The following TMEM268 variants were observed in gnomAD, a reference collection of about 807,000 sequenced individuals.
The protein encoded by TMEM268 is transmembrane protein C9orf91.
In TMEM268, 24 loss-of-function variants were observed where a neutral mutation model predicts 39.1. The observed-to-expected ratio is 0.61, with a 90% confidence interval of 0.44 to 0.86. The LOEUF (loss-of-function observed/expected upper bound fraction) is 0.86. Among genes scored for constraint, TMEM268 ranks in the 40% least tolerant of loss-of-function variants. The pLI is 0.00. For missense variants in TMEM268, 409 were observed against 428.6 expected (o/e 0.95, Z 0.40); for synonymous variants, 176 against 173.5 (o/e 1.01, Z -0.12).
At chr9:114,604,441 G>A in the TMEM268 span, among the ~76,000 whole-genome samples, 2 of 152,022 alleles carry the variant, frequency 1.3e-5, no homozygotes, top group Non-Finnish European at 2.9e-5. Flanking sequence ...TTACTGGGGC[G>A]TGGTGGTGTG....
At chr9:114,617,372 G>A (rs1651455196) in intron 2 of TMEM268, 71 bp downstream of exon 2, 3 of 1,228,812 alleles carry the variant, frequency 2.4e-6, no homozygotes, top group East Asian at 2.5e-5. Flanking sequence ...GGGCACAGAA[G>A]TTCCTTTAGA....
At chr9:114,639,696 G>C (rs1046686937) in intron 8 of TMEM268, among the ~76,000 whole-genome samples, 3 of 151,740 alleles carry the variant, frequency 2.0e-5, no homozygotes, top group Non-Finnish European at 4.4e-5. Flanking sequence ...CTGGTGGGCA[G>C]TAGGAAGCCT....
At chr9:114,613,274 G>T (rs4979443) in intron 1 of TMEM268, among the ~76,000 whole-genome samples, 103,995 of 152,046 alleles carry the variant, frequency 0.68, 36,272 homozygotes, top group African/African-American at 0.8. Context: ...TGCCTCATGG[G>T]GGGATTTTGC....
Position 114,624,392 on chromosome 9 carries a change from A to C in TMEM268, c.149A>C (p.Asn50Thr), listed in dbSNP as rs1453889628. ...GTCCTCACTGTTCTCCGGATTGACA[A>C]TACCTGTGCACCCATCTCCTTCGAC... ...GQVLTVLRID[N>T]TCAPISFDLG... The change falls in exon 3 of 9, where the codon AAT (asparagine) becomes ACT (threonine). Residue 50 changes from asparagine (N) to threonine (T), a missense_variant. Physicochemically the swap from Asn to Thr is moderately conservative, Grantham distance 65. Coordinates refer to ENST00000288502, the MANE Select transcript of TMEM268 (RefSeq NM_153045.4). 6.2e-7 allele frequency: 1 copy of C among 1,604,360 alleles called. No individual in the cohort carries two copies. The highest frequency in any genetic ancestry group is 1.7e-5 in the Admixed American group (1 of 58,942).
At chr9:114,636,892 C>A in intron 6 of TMEM268, 98 bp from the exon 7 acceptor site, 1 of 747,370 alleles carries the variant, frequency 1.3e-6, no homozygotes, top group Non-Finnish European at 2.3e-6. Context: ...TGGCACCTTC[C>A]TGCCAGACAG....
In TMEM268 at chr9:114,623,812, C is replaced by G. The variant is rs114015255; in HGVS notation, c.107-538C>G. On this transcript the variant is annotated intron_variant, in intron 2 of 8. Transcript: ENST00000288502. ...GAGCCCCCTTACTTCCACCCTTTGCCATGGAAGGCAGTATATTTGCAGGCT... is the reference window on the plus strand; with the variant it reads ...GAGCCCCCTTACTTCCACCCTTTGCGATGGAAGGCAGTATATTTGCAGGCT... Among the ~76,000 whole-genome samples the G allele has an allele frequency of 4.4e-3, 672 of 152,304 alleles. 6 individuals carry two copies. Among genetic ancestry groups the G allele is most frequent in the African/African-American group, 0.015 (632 of 41,566 alleles).
At chr9:114,630,275 TATCTATCC>T (rs1196372426) in intron 5 of TMEM268, among the ~76,000 whole-genome samples, 30 of 141,742 alleles carry the variant, frequency 2.1e-4, no homozygotes, top group South Asian at 4.4e-4. Flanking sequence ...CAACAATATA[TATCTATCC>T]ATCCATCCAT....
rs200137316 is a variant in TMEM268 at position 114,623,094 on chromosome 9, AAACAACAACAAC to A, written c.107-1238_107-1227del. On this transcript the variant is annotated intron_variant, in intron 2 of 8. Coordinates refer to ENST00000288502, the MANE Select transcript of TMEM268 (RefSeq NM_153045.4). ...GACAGAGAGAGACTCTGTCTCCAAA[AAACAACAACAAC>A]AACAACAACAACAACAAGCCAAACC... is the stretch of plus-strand genomic sequence containing the variant. 3.2e-3 allele frequency among the ~76,000 whole-genome samples: 479 copies of A among 151,750 alleles called. 3 individuals carry two copies. Among genetic ancestry groups the A allele is most frequent in the African/African-American group, 0.011 (449 of 41,346 alleles).
chr9:114,626,067 C>T (rs1276987469), intron 3 of TMEM268, among the ~76,000 whole-genome samples: 2 of 152,066 alleles, frequency 1.3e-5, no homozygotes, highest in African/African-American at 4.8e-5. Context: ...TCTCGTGATC[C>T]GCCCGCCTTG....
At chr9:114,617,821 T>C (rs746115800) in intron 2 of TMEM268, among the ~76,000 whole-genome samples, 3 of 152,108 alleles carry the variant, frequency 2.0e-5, no homozygotes, top group Non-Finnish European at 4.4e-5. Context: ...GTCCTCTGGC[T>C]TTGCCTTCCC....
intron 5 of TMEM268, among the ~76,000 whole-genome samples, chr9:114,631,087 G>A (rs1846373422): frequency 6.6e-6 from 1 of 152,100 alleles, no homozygotes. Context: ...GCTCAGGTGG[G>A]AGGATCACTT....
At chr9:114,617,369 G>A in intron 2 of TMEM268, 68 bp downstream of exon 2, 1 of 1,262,108 alleles carries the variant, frequency 7.9e-7, no homozygotes, top group South Asian at 1.3e-5. Context: ...ACAGGGCACA[G>A]AAGTTCCTTT....
At chr9:114,642,969 G>A (rs1035008844) in intron 8 of TMEM268, among the ~76,000 whole-genome samples, 165 bp from the exon 9 acceptor site, 1 of 152,176 alleles carries the variant, frequency 6.6e-6, no homozygotes, top group Non-Finnish European at 1.5e-5. Context: ...GACCAGGCTG[G>A]CATCTTCTGA....
At chr9:114,623,502 C>T (rs377015366) in intron 2 of TMEM268, among the ~76,000 whole-genome samples, 1 of 152,218 alleles carries the variant, frequency 6.6e-6, no homozygotes, top group Non-Finnish European at 1.5e-5. Context: ...CTCACTGAGC[C>T]GAAATCCCCT....
intron 8 of TMEM268, among the ~76,000 whole-genome samples, chr9:114,639,642 T>G (rs1245066255): frequency 1.3e-5 from 2 of 151,860 alleles, no homozygotes; most frequent in African/African-American, 4.8e-5. Context: ...GCCAAGAGAT[T>G]TGGGGATTCA....
At position 114,643,270 on chromosome 9, in the gene TMEM268, C is replaced by T. The variant is rs1377010040; in HGVS notation, c.986C>T (p.Ala329Val). The change falls in exon 9 of 9, where the codon GCC (alanine) becomes GTC (valine). Residue 329 changes from alanine (A) to valine (V), a missense_variant. Physicochemically the swap from Ala to Val is moderately conservative, Grantham distance 64. Coordinates refer to ENST00000288502, the MANE Select transcript of TMEM268 (RefSeq NM_153045.4). Reference sequence around the variant, plus strand: ...CCATGCCCCTGCCAGCTCATAGAAGCCTACATCCTAGGCACAGGGTGCTGC... The same window carrying T: ...CCATGCCCCTGCCAGCTCATAGAAGTCTACATCCTAGGCACAGGGTGCTGC... Reference protein sequence around the residue: ...RIPCPCQLIEAYILGTGCCPF... With the variant: ...RIPCPCQLIEVYILGTGCCPF... 6.2e-7 allele frequency: 1 copy of T among 1,614,052 alleles called. No individual in the cohort carries two copies. Among genetic ancestry groups the T allele is most frequent in the Non-Finnish European group, 8.5e-7 (1 of 1,180,040 alleles).
chr9:114,619,250 T>A (rs1295715925), intron 2 of TMEM268, among the ~76,000 whole-genome samples: 1 of 152,108 alleles, frequency 6.6e-6, no homozygotes, highest in Non-Finnish European at 1.5e-5. Flanking sequence ...TTCTTGTTCC[T>A]TTGTAGGAAA....
intron 5 of TMEM268, among the ~76,000 whole-genome samples, chr9:114,630,923 A>G (rs1017283802): frequency 1.2e-5 from 1 of 80,876 alleles, no homozygotes; most frequent in African/African-American, 4.1e-5. Flanking sequence ...TCTTACTGTT[A>G]GCATCCTCTC....
chr9:114,636,499 T>C (rs1260402454), intron 6 of TMEM268, among the ~76,000 whole-genome samples: 1 of 144,276 alleles, frequency 6.9e-6, no homozygotes, highest in Non-Finnish European at 1.5e-5. Context: ...TCTTTTCTTT[T>C]CTTTTCTTTC....
Sources: allele counts gnomAD v4.1 joint callset (sites outside exome capture counted in the v4.1 genomes callset), GRCh38; gene constraint gnomAD v4.1.1; transcripts MANE v1.5; gene names NCBI Gene and HGNC (gene_info 2026-07-23, HGNC 2026-07-21).